Variants in SCAF11 observed in about 807,000 individuals in gnomAD.
The protein encoded by SCAF11 is SR-related CTD associated factor 11.
Under a neutral mutation model 140.5 loss-of-function variants are expected in SCAF11, and 47 were observed. That is an observed-to-expected ratio of 0.33 (90% CI 0.26 to 0.43). The LOEUF is 0.43. SCAF11 is among the 20% of genes least tolerant of loss of function. The pLI is 1.00. For synonymous variants in SCAF11, 557 were observed against 579.4 expected (o/e 0.96, Z 0.55); for missense variants, 1,645 against 1,705.1 (o/e 0.96, Z 0.62).
At chr12:45,938,631 T>C (rs1592180445) in intron 6 of SCAF11, among the ~76,000 whole-genome samples, 1 of 151,894 alleles carries the variant, frequency 6.6e-6, no homozygotes, top group African/African-American at 2.4e-5. Context: ...CCTTGTTTTA[T>C]TTATGTTAAT....
At chr12:45,965,102 C>A (rs951610184) in intron 1 of SCAF11, among the ~76,000 whole-genome samples, 1 of 152,002 alleles carries the variant, frequency 6.6e-6, no homozygotes, top group Admixed American at 6.6e-5. Context: ...ATAGATGGAT[C>A]GCTAATGATT....
rs1429217735 is a variant in SCAF11 at position 45,945,838 on chromosome 12, A to T, written c.399-525T>A. 4.6e-5 allele frequency among the ~76,000 whole-genome samples: 7 copies of T among 151,478 alleles called. No individual in the cohort carries two copies. In the East Asian group the frequency reaches 9.7e-4, roughly 21 times the overall value. ...GTAAGCTACCATGCCTGGCTAATAT[A>T]TTTTTTATTCTTATTCTTATTATTA... On this transcript the variant is annotated intron_variant, in intron 5 of 14. Coordinates refer to ENST00000369367, the MANE Select transcript of SCAF11 (RefSeq NM_004719.3).
chr12:45,977,949 T>C lies in SCAF11; in HGVS notation c.-22+12404A>G, dbSNP rs1465901452. Among the ~76,000 whole-genome samples the C allele has an allele frequency of 2.6e-5, 4 of 152,142 alleles. No individual in the cohort carries two copies. In the South Asian group the frequency reaches 8.3e-4, roughly 32 times the overall value. ...CAGATCAGTTCCAAAACCCTAATGA[T>C]AGCATGGGTGATCACCAAAAGAAGA... is the stretch of plus-strand genomic sequence containing the variant. On this transcript the variant is annotated intron_variant, in intron 1 of 14. Coordinates refer to ENST00000369367, the MANE Select transcript of SCAF11 (RefSeq NM_004719.3).
intron 3 of SCAF11, chr12:45,954,904 C>A (rs925507298): frequency 6.7e-6 from 1 of 150,260 alleles, no homozygotes; most frequent in African/African-American, 2.4e-5. Flanking sequence ...CCATTTGATC[C>A]GTTTCAAAAA....
chr12:45,952,689 A>T (rs987524930), intron 3 of SCAF11, among the ~76,000 whole-genome samples: 1 of 152,202 alleles, frequency 6.6e-6, no homozygotes, highest in African/African-American at 2.4e-5. Context: ...GAATGGGTTT[A>T]CATTATTTAA....
chr12:45,976,525 C>A (rs925335743), intron 1 of SCAF11, among the ~76,000 whole-genome samples: 2 of 151,818 alleles, frequency 1.3e-5, no homozygotes, highest in African/African-American at 4.8e-5. Flanking sequence ...GAAATATATC[C>A]CACATGGAAA....
At chr12:45,922,261 C>G (rs1313096869) in intron 14 of SCAF11, 67 bp from the exon 15 acceptor site, 24 of 1,522,894 alleles carry the variant, frequency 1.6e-5, no homozygotes, top group Non-Finnish European at 1.8e-5. Flanking sequence ...AAATAGAAAG[C>G]TTTGTGAAAA....
At chr12:45,958,008 TCCC>T (rs977641783) in intron 3 of SCAF11, among the ~76,000 whole-genome samples, 1 of 150,504 alleles carries the variant, frequency 6.6e-6, no homozygotes, top group Non-Finnish European at 1.5e-5. Context: ...TCCTCCAACC[TCCC>T]CCCATCAGCT....
At position 45,926,467 on chromosome 12, in the gene SCAF11, A is replaced by ACGGTTGCCTCTGCCT; in HGVS notation, c.3219_3233dup (p.Asn1077_Gly1081dup). ...AACTACTTCTGTAAGTGCCTCTGCC[A>ACGGTTGCCTCTGCCT]CGGTTGCCTCTGCCTCTACCACGGT... On this transcript the variant is annotated inframe_insertion, in exon 11 of 15. Coordinates refer to ENST00000369367, the MANE Select transcript of SCAF11 (RefSeq NM_004719.3). 3 of 1,614,182 alleles carry ACGGTTGCCTCTGCCT rather than the reference A, an allele frequency of 1.9e-6. No homozygotes were observed. The highest frequency in any genetic ancestry group is 1.6e-4 in the Middle Eastern group (1 of 6,062).
At chr12:45,974,536 A>G (rs1473491517) in intron 1 of SCAF11, 1 of 195,380 alleles carries the variant, frequency 5.1e-6, no homozygotes, top group Non-Finnish European at 1.1e-5. Flanking sequence ...ATCTTCAGCA[A>G]GAGCACATTC....
chr12:45,931,350 AAAGTT>A (rs1328068962), intron 10 of SCAF11, 151 bp downstream of exon 10: 2 of 424,234 alleles, frequency 4.7e-6, no homozygotes, highest in Admixed American at 4.5e-5. Flanking sequence ...AAGCAATTCT[AAAGTT>A]AAGTCATTGT....
At position 45,927,045 on chromosome 12, in the gene SCAF11, C is replaced by T. The variant is rs142445862; in HGVS notation, c.2656G>A (p.Glu886Lys). The T allele has an allele frequency of 3.7e-6, 6 of 1,613,998 alleles. No homozygotes were observed. The African/African-American group carries it at 8.0e-5, about 22-fold the overall frequency. ...GATCTTTTGTTCTCTCTAGAAGTTT[C>T]TCTTCTTGGGGACAGTGATTCAGAT... is the stretch of plus-strand genomic sequence containing the variant. The part of the protein sequence containing the change: ...RRSESLSPRR[E>K]TSRENKRSQP... Residue 886 changes from glutamate (E) to lysine (K), a missense_variant, in exon 11 of 15, where the codon GAA becomes AAA. Glu to Lys is a moderately conservative substitution (Grantham distance 56). This residue lies in a region of SCAF11 where 1,582 missense variants were observed against 1,609.2 expected (regional missense o/e 0.98). Transcript: ENST00000369367.
In SCAF11 at chr12:45,923,067, C is replaced by T; in HGVS notation, c.3994G>A (p.Val1332Ile). 6.2e-7 allele frequency: 1 copy of T among 1,614,146 alleles called. No individual in the cohort carries two copies. The highest frequency in any genetic ancestry group is 8.5e-7 in the Non-Finnish European group (1 of 1,180,010). Residue 1332 changes from valine (V) to isoleucine (I), a missense_variant, in exon 13 of 15, where the codon GTT becomes ATT. Physicochemically the swap from Val to Ile is conservative, Grantham distance 29. Coordinates refer to ENST00000369367, the MANE Select transcript of SCAF11 (RefSeq NM_004719.3). ...GTATTACCAGAACTTGGTCCCTGAACCATTCCCGTATTTCCTGGGGCTGCT... is the reference window on the plus strand; with the variant it reads ...GTATTACCAGAACTTGGTCCCTGAATCATTCCCGTATTTCCTGGGGCTGCT... ...PTAAPGNTGM[V>I]QGPSSGNTSS...
chr12:45,972,931 TATATATAGATATATATATAG>T lies in SCAF11; in HGVS notation c.-21-8763_-21-8744del, dbSNP rs1565689040. ...ATAGATATATATATAGATATATAGA[TATATATAGATATATATATAG>T]ATATATAGATATATATATAGATATA... On this transcript the variant is annotated intron_variant, in intron 1 of 14. Coordinates refer to ENST00000369367, the MANE Select transcript of SCAF11 (RefSeq NM_004719.3). Among the ~76,000 whole-genome samples the T allele has an allele frequency of 5.4e-3, 410 of 76,130 alleles. 15 individuals are homozygous for T. Among genetic ancestry groups the T allele is most frequent in the African/African-American group, 0.027 (345 of 12,632 alleles). The allele number at this position is 76,130 out of a possible 152,430, so 49.9% of individuals were successfully genotyped here. A position where few individuals can be genotyped will look rare whatever the true frequency, so the allele number is the denominator to read the frequency against.
At chr12:45,976,681 C>G (rs1194139202) in intron 1 of SCAF11, among the ~76,000 whole-genome samples, 2 of 151,898 alleles carry the variant, frequency 1.3e-5, no homozygotes, top group African/African-American at 4.8e-5. Flanking sequence ...AGACTTGAAC[C>G]CAAACATATC....
In SCAF11 at chr12:45,921,935, A is replaced by AAAATTT; in HGVS notation, c.*112_*113insAAATTT. ...CATCATATCCTATGTTAAAAAAATA[A>AAAATTT]TTTTATCAAAACCAAATTTCAATCA... On this transcript the variant is annotated 3_prime_UTR_variant, in exon 15 of 15. Transcript: ENST00000369367. 7.9e-7 allele frequency: 1 copy of AAAATTT among 1,268,624 alleles called. No individual in the cohort carries two copies. The highest frequency in any genetic ancestry group is 1.9e-4 in the Middle Eastern group (1 of 5,162). 78.6% of individuals were successfully genotyped at this position (1,268,624 alleles called of 1,614,324 possible).
intron 6 of SCAF11, 68 bp from the exon 7 acceptor site, chr12:45,934,573 A>G (rs1306061520): frequency 9.7e-7 from 1 of 1,026,278 alleles, no homozygotes; most frequent in Admixed American, 2.7e-5. Context: ...GTAAACCAGC[A>G]TCGATACCAG....
intron 6 of SCAF11, among the ~76,000 whole-genome samples, chr12:45,939,333 C>T (rs2136542365): frequency 6.6e-6 from 1 of 152,230 alleles, no homozygotes; most frequent in South Asian, 2.1e-4. Flanking sequence ...TAACAAATGA[C>T]TTCAGATAGA....
Position 45,972,913 on chromosome 12 carries a change from T to TCG in SCAF11, c.-21-8726_-21-8725insCG, listed in dbSNP as rs1555171414. Among the ~76,000 whole-genome samples, 407 of 90,436 alleles carry TCG rather than the reference T, an allele frequency of 4.5e-3. 27 individuals carry two copies. The highest frequency in any genetic ancestry group is 9.5e-3 in the Middle Eastern group (2 of 210). The allele number at this position is 90,436 out of a possible 152,430, so 59.3% of individuals were successfully genotyped here. On this transcript the variant is annotated intron_variant, in intron 1 of 14. Transcript: ENST00000369367. ...ATATAGATATATATATATATAGATA[T>TCG]ATATATAGATATATAGATATATATA...
Sources: allele counts gnomAD v4.1 joint callset (sites outside exome capture counted in the v4.1 genomes callset), GRCh38; gene constraint gnomAD v4.1.1; regional missense constraint gnomAD v4.1.1; transcripts MANE v1.5; gene names NCBI Gene and HGNC (gene_info 2026-07-23, HGNC 2026-07-21).